The following G3BP2 variants were observed in gnomAD, a reference collection of about 807,000 sequenced individuals.
G3BP2 encodes the protein ras GTPase-activating protein-binding protein 2.
In G3BP2, 11 loss-of-function variants were observed where a neutral mutation model predicts 56.7. The ratio of observed to expected loss-of-function variants is 0.19; its 90% confidence interval spans 0.12 to 0.32. The LOEUF (loss-of-function observed/expected upper bound fraction) is 0.32. Ranked by LOEUF, G3BP2 falls within the 10% of genes least tolerant of loss-of-function variation. The pLI is 1.00. For missense variants in G3BP2, 340 were observed against 610.9 expected (o/e 0.56, Z 4.67); for synonymous variants, 165 against 191.6 (o/e 0.86, Z 1.15).
intron 1 of G3BP2, among the ~76,000 whole-genome samples, chr4:75,664,280 T>C (rs145334410): frequency 4.2e-4 from 64 of 151,950 alleles, no homozygotes; most frequent in Non-Finnish European, 7.2e-4. Context: ...CAGGATGCAG[T>C]TGAAATTCCT....
chr4:75,675,500 C>A (rs1733842471), upstream of G3BP2, among the ~76,000 whole-genome samples: 1 of 152,196 alleles, frequency 6.6e-6, no homozygotes, highest in Admixed American at 6.5e-5. Flanking sequence ...ACTTTAAAAA[C>A]CACTGATATA....
intron 1 of G3BP2, among the ~76,000 whole-genome samples, chr4:75,665,832 A>G (rs1278395765): frequency 1.3e-5 from 2 of 152,222 alleles, no homozygotes; most frequent in Non-Finnish European, 2.9e-5. Context: ...ATACTAACAC[A>G]TGGGAAAATA....
chr4:75,661,751 T>C, intron 2 of G3BP2, 180 bp downstream of exon 2: 1 of 557,430 alleles, frequency 1.8e-6, no homozygotes, highest in Non-Finnish European at 3.3e-6. Context: ...AATGTTTTTA[T>C]TACTGTGAGT....
intron 3 of G3BP2, among the ~76,000 whole-genome samples, chr4:75,686,109 T>G (rs1180708036): frequency 6.6e-6 from 1 of 152,182 alleles, no homozygotes; most frequent in Non-Finnish European, 1.5e-5. Context: ...GACTGAAAAT[T>G]AGATAGAATC....
At chr4:75,695,745 C>T (rs1284065771) in intron 3 of G3BP2, among the ~76,000 whole-genome samples, 5 of 152,070 alleles carry the variant, frequency 3.3e-5, no homozygotes, top group South Asian at 2.1e-4. Context: ...GAGGCCGAGG[C>T]GGGTGAATCA....
At chr4:75,669,089 A>G (rs1179636053) in intron 1 of G3BP2, among the ~76,000 whole-genome samples, 1 of 152,210 alleles carries the variant, frequency 6.6e-6, no homozygotes, top group African/African-American at 2.4e-5. Context: ...CTAGAGTTCT[A>G]TAAGGCAAAT....
intron 3 of G3BP2, among the ~76,000 whole-genome samples, chr4:75,689,839 C>A (rs888176106): frequency 6.6e-6 from 1 of 152,086 alleles, no homozygotes; most frequent in African/African-American, 2.4e-5. Flanking sequence ...GAGTAAAAGA[C>A]GCCAGACACA....
intron 1 of G3BP2, among the ~76,000 whole-genome samples, chr4:75,666,099 A>T (rs573016588): frequency 6.6e-6 from 1 of 152,308 alleles, no homozygotes; most frequent in South Asian, 2.1e-4. Context: ...TACATATATA[A>T]TATCACAGGT....
upstream of G3BP2, among the ~76,000 whole-genome samples, chr4:75,674,402 T>A (rs1712825330): frequency 6.6e-6 from 1 of 152,184 alleles, no homozygotes; most frequent in Admixed American, 6.5e-5. Flanking sequence ...ATTTGGCATG[T>A]TAAGACAATA....
At chr4:75,677,139 T>G (rs1377772518), upstream of G3BP2, among the ~76,000 whole-genome samples, 1 of 152,188 alleles carries the variant, frequency 6.6e-6, no homozygotes, top group Non-Finnish European at 1.5e-5. Flanking sequence ...TAGATAAGTA[T>G]TTGAATAAGA....
At chr4:75,654,143 GA>G in intron 7 of G3BP2, 62 bp from the exon 8 acceptor site, 1 of 778,348 alleles carries the variant, frequency 1.3e-6, no homozygotes, top group Non-Finnish European at 2.3e-6. Flanking sequence ...TTCCTATAGG[GA>G]AACTTCCAAA....
At chr4:75,651,338 T>G (rs1731686952) in intron 8 of G3BP2, among the ~76,000 whole-genome samples, 1 of 152,258 alleles carries the variant, frequency 6.6e-6, no homozygotes, top group African/African-American at 2.4e-5. Context: ...TGATTTAAAT[T>G]CTTTTCAAAA....
At chr4:75,698,554 C>T (rs1038410199) in intron 3 of G3BP2, among the ~76,000 whole-genome samples, 1 of 152,082 alleles carries the variant, frequency 6.6e-6, no homozygotes, top group Admixed American at 6.6e-5. Context: ...TGCAATATTT[C>T]CCACCAATTT....
intron 7 of G3BP2, 70 bp downstream of exon 7, chr4:75,654,996 G>T: frequency 2.1e-6 from 2 of 966,548 alleles, no homozygotes; most frequent in Non-Finnish European, 3.2e-6. Context: ...ATAGAAAAAG[G>T]TCATACTTCA....
In G3BP2 at chr4:75,645,366, A is replaced by G. The variant is rs935942873; in HGVS notation, c.*64T>C. The G allele has an allele frequency of 1.3e-6, 2 of 1,483,934 alleles. No individual in the cohort carries two copies. Among genetic ancestry groups the G allele is most frequent in the South Asian group, 1.3e-5 (1 of 76,794 alleles). The allele number at this position is 1,483,934 out of a possible 1,614,324, so 91.9% of individuals were successfully genotyped here. ...GTCACATTCCAAAGCCAAAAAAAAAATTAACAAGAATGCAAACACGATGAA... is the reference window on the plus strand; with the variant it reads ...GTCACATTCCAAAGCCAAAAAAAAAGTTAACAAGAATGCAAACACGATGAA... On this transcript the variant is annotated 3_prime_UTR_variant, in exon 12 of 12. Transcript: ENST00000359707.
Position 75,645,589 on chromosome 4 carries a change from A to G in G3BP2, c.1290T>C (p.Asn430=). 1 of 1,613,910 alleles carries G rather than the reference A, an allele frequency of 6.2e-7. No homozygotes were observed. Among genetic ancestry groups the G allele is most frequent in the Non-Finnish European group, 8.5e-7 (1 of 1,179,980 alleles). ...GGDDRRDIRR[N]DRGPGGPRGI... Reference sequence around the variant, plus strand: ...CACGTGGACCACCGGGACCTCGATCATTGCGCCTAATATCCCTGCGATCAT... The same window carrying G: ...CACGTGGACCACCGGGACCTCGATCGTTGCGCCTAATATCCCTGCGATCAT... The change falls in exon 12 of 12, where the codon AAT becomes AAC. Residue 430 remains asparagine (N), a synonymous_variant. Coordinates refer to ENST00000359707, the MANE Select transcript of G3BP2 (RefSeq NM_203505.3).
At position 75,697,442 on chromosome 4, in the gene G3BP2, G is replaced by T. The variant is rs148559569; in HGVS notation, c.-25+23435C>A. Among the ~76,000 whole-genome samples, 1,020 of 152,010 alleles carry T rather than the reference G, an allele frequency of 6.7e-3. 9 individuals are homozygous for T. Among genetic ancestry groups the T allele is most frequent in the African/African-American group, 0.023 (948 of 41,462 alleles). ...TTGTGTCGATAATTATTTAAGTTTG[G>T]TGATGGGTATGTGGAGATTTAATAC... On this transcript the variant is annotated intron_variant, in intron 3 of 3. Coordinates refer to the G3BP2 transcript ENST00000499709.
chr4:75,686,575 G>A (rs1227244328), intron 3 of G3BP2, among the ~76,000 whole-genome samples: 78 of 127,366 alleles, frequency 6.1e-4, no homozygotes, highest in Non-Finnish European at 1.1e-3. Context: ...GGGGGGTGGG[G>A]GTGGGGGGGC....
intron 3 of G3BP2, among the ~76,000 whole-genome samples, chr4:75,694,397 T>G (rs1719010341): frequency 6.6e-6 from 1 of 152,152 alleles, no homozygotes; most frequent in South Asian, 2.1e-4. Context: ...GTGAGAAGAT[T>G]GAGACCATCC....
Sources: allele counts gnomAD v4.1 joint callset (sites outside exome capture counted in the v4.1 genomes callset), GRCh38; gene constraint gnomAD v4.1.1; transcripts MANE v1.5; gene names NCBI Gene and HGNC (gene_info 2026-07-23, HGNC 2026-07-21).